RORA: variants seen among roughly 807,000 people sequenced by gnomAD.
RORA encodes the protein nuclear receptor ROR-alpha.
RORA carries 7 observed loss-of-function variants against 69.5 expected under a neutral mutation model. That is an observed-to-expected ratio of 0.10 (90% CI 0.06 to 0.19). The LOEUF (loss-of-function observed/expected upper bound fraction) is 0.19, where lower values mean the gene tolerates loss of function less well. Among genes scored for constraint, RORA ranks in the 10% least tolerant of loss-of-function variants. RORA has a pLI of 1.00. For missense variants in RORA, 457 were observed against 663.0 expected (o/e 0.69, Z 3.41); for synonymous variants, 261 against 240.8 (o/e 1.08, Z -0.78).
chr15:60,688,312 G>C (rs1290651299), intron 1 of RORA, among the ~76,000 whole-genome samples: 2 of 152,036 alleles, frequency 1.3e-5, no homozygotes, highest in African/African-American at 4.8e-5. Context: ...AAATTAATGA[G>C]AGTGATTATG....
chr15:60,853,481 A>G (rs2073347212), intron 1 of RORA, among the ~76,000 whole-genome samples: 1 of 152,218 alleles, frequency 6.6e-6, no homozygotes, highest in Admixed American at 6.5e-5. Context: ...TCTACAAAAG[A>G]CTACAAGATT....
intron 1 of RORA, chr15:61,182,893 A>C (rs2079701105): frequency 6.6e-6 from 1 of 152,292 alleles, no homozygotes; most frequent in Non-Finnish European, 1.5e-5. Flanking sequence ...GAGAACCCAA[A>C]TTGGGGGGCC....
At chr15:60,636,802 T>C (rs1483608744) in intron 2 of RORA, among the ~76,000 whole-genome samples, 2 of 152,190 alleles carry the variant, frequency 1.3e-5, no homozygotes, top group African/African-American at 4.8e-5. Flanking sequence ...CTCTATTTTT[T>C]CGTATGCTTT....
intron 1 of RORA, among the ~76,000 whole-genome samples, chr15:60,918,744 T>TGTCTGGGGTGCCTTGGTGACA (rs1891952183): frequency 6.6e-6 from 1 of 152,180 alleles, no homozygotes; most frequent in Non-Finnish European, 1.5e-5. Context: ...TTTCTGGGCA[T>TGTCTGGGGTGCCTTGGTGACA]GTCTGGGGTG....
At chr15:60,555,772 T>C (rs2140404535) in intron 2 of RORA, among the ~76,000 whole-genome samples, 1 of 152,242 alleles carries the variant, frequency 6.6e-6, no homozygotes, top group Admixed American at 6.5e-5. Flanking sequence ...TCTTACTACT[T>C]TCCCAAGAAA....
intron 1 of RORA, among the ~76,000 whole-genome samples, chr15:61,200,037 T>C (rs2079880526): frequency 6.6e-6 from 1 of 152,196 alleles, no homozygotes; most frequent in Non-Finnish European, 1.5e-5. Flanking sequence ...AGAAACATCT[T>C]AATGGGTCCT....
At chr15:60,612,661 G>C (rs11634052) in intron 2 of RORA, among the ~76,000 whole-genome samples, 20 of 107,160 alleles carry the variant, frequency 1.9e-4, no homozygotes, top group African/African-American at 5.0e-4. Flanking sequence ...CTCTCTCTCT[G>C]TTTTTTTTTT....
At chr15:60,947,836 G>T (rs1198338179) in intron 1 of RORA, among the ~76,000 whole-genome samples, 1 of 152,122 alleles carries the variant, frequency 6.6e-6, no homozygotes, top group African/African-American at 2.4e-5. Context: ...AAGGTATTGG[G>T]AAGAGTTGCA....
chr15:61,034,393 T>C (rs1242302957), intron 1 of RORA, among the ~76,000 whole-genome samples: 1 of 152,206 alleles, frequency 6.6e-6, no homozygotes, highest in Non-Finnish European at 1.5e-5. Flanking sequence ...ATAGAGGCTA[T>C]TCCTGGATCT....
In RORA at chr15:61,047,589, C is replaced by T. The variant is rs576896090; in HGVS notation, c.166+181464G>A. Reference sequence around the variant, plus strand: ...GAGACATAAATCAGGATAAAGGTGTCGAGAATGGTAAAACAAAAACAAAAA... The same window carrying T: ...GAGACATAAATCAGGATAAAGGTGTTGAGAATGGTAAAACAAAAACAAAAA... On this transcript the variant is annotated intron_variant, in intron 1 of 10. Coordinates refer to ENST00000335670, the MANE Select transcript of RORA (RefSeq NM_134261.3). Among the ~76,000 whole-genome samples, 289 of 147,700 alleles carry T rather than the reference C, an allele frequency of 2.0e-3. 2 individuals carry two copies. Among genetic ancestry groups the T allele is most frequent in the Middle Eastern group, 3.6e-3 (1 of 280 alleles).
intron 2 of RORA, among the ~76,000 whole-genome samples, chr15:60,591,749 G>A (rs1381966582): frequency 1.3e-5 from 2 of 152,174 alleles, no homozygotes; most frequent in African/African-American, 4.8e-5. Context: ...GCACGCTCGA[G>A]GCGCCCGTCT....
intron 2 of RORA, among the ~76,000 whole-genome samples, chr15:60,552,073 G>A (rs2067241137): frequency 6.6e-6 from 1 of 152,314 alleles, no homozygotes; most frequent in South Asian, 2.1e-4. Context: ...TGGTGTTAGG[G>A]AGAGGCAGTG....
intron 1 of RORA, among the ~76,000 whole-genome samples, chr15:60,949,131 G>A (rs1233132571): frequency 6.6e-6 from 1 of 152,136 alleles, no homozygotes; most frequent in Non-Finnish European, 1.5e-5. Context: ...GAAGCACCTA[G>A]CATGCACCAG....
At chr15:60,641,330 T>C (rs1304662881) in intron 2 of RORA, among the ~76,000 whole-genome samples, 1 of 152,204 alleles carries the variant, frequency 6.6e-6, no homozygotes, top group Non-Finnish European at 1.5e-5. Context: ...ATGTGAAGAA[T>C]GGATTCTGAA....
rs570092078 is a variant in RORA at position 60,927,174 on chromosome 15, T to C, written c.167-248488A>G. Reference sequence around the variant, plus strand: ...CATCCTTCCCACCTCTCTGACCAGATAGGAAGTGCTCAACACATGTGGACC... The same window carrying C: ...CATCCTTCCCACCTCTCTGACCAGACAGGAAGTGCTCAACACATGTGGACC... On this transcript the variant is annotated intron_variant, in intron 1 of 10. Coordinates refer to ENST00000335670, the MANE Select transcript of RORA (RefSeq NM_134261.3). 1.6e-4 allele frequency among the ~76,000 whole-genome samples: 24 copies of C among 152,246 alleles called. No individual in the cohort carries two copies. The Middle Eastern group carries it at 0.01, about 65-fold the overall frequency.
Position 60,935,957 on chromosome 15 carries a change from T to C in RORA, c.167-257271A>G, listed in dbSNP as rs931972904. On this transcript the variant is annotated intron_variant, in intron 1 of 10. Transcript: ENST00000335670. ...CAAAATAAGTTTGAGCCCAAATCTC[T>C]TTGAGTTGGGCAAACTGAGACTGAC... 2.6e-4 allele frequency among the ~76,000 whole-genome samples: 39 copies of C among 152,218 alleles called. 1 individual carries two copies.
intron 1 of RORA, among the ~76,000 whole-genome samples, chr15:60,926,413 C>T (rs930494869): frequency 2.6e-5 from 4 of 152,158 alleles, no homozygotes; most frequent in Non-Finnish European, 5.9e-5. Context: ...ACTTGGAGAC[C>T]GAGTCACTGG....
chr15:61,085,677 G>A (rs764409365), intron 1 of RORA, among the ~76,000 whole-genome samples: 1 of 152,178 alleles, frequency 6.6e-6, no homozygotes, highest in Non-Finnish European at 1.5e-5. Flanking sequence ...GATGGCACAA[G>A]AGCAGTCAGA....
chr15:60,947,029 C>T (rs1335429305), intron 1 of RORA, among the ~76,000 whole-genome samples: 1 of 150,900 alleles, frequency 6.6e-6, no homozygotes, highest in Non-Finnish European at 1.5e-5. Flanking sequence ...GGGGCCAGCC[C>T]CCGCCCGGCC....
Sources: allele counts gnomAD v4.1 joint callset (sites outside exome capture counted in the v4.1 genomes callset), GRCh38; gene constraint gnomAD v4.1.1; transcripts MANE v1.5; gene names NCBI Gene and HGNC (gene_info 2026-07-23, HGNC 2026-07-21).